The following ALDH1A2 variants were observed in gnomAD, a reference collection of about 807,000 sequenced individuals.
ALDH1A2 encodes the protein aldehyde dehydrogenase 1 family member A2.
Under a neutral mutation model 60.3 loss-of-function variants are expected in ALDH1A2, and 27 were observed. The observed-to-expected ratio is 0.45, with a 90% CI of 0.33 to 0.62. The LOEUF is 0.62. Ranked by LOEUF, ALDH1A2 falls within the 20% of genes least tolerant of loss-of-function variation. The probability of loss-of-function intolerance (pLI) is 0.02; values close to 1 mark genes in which losing one functional copy is unlikely to be tolerated. For missense variants in ALDH1A2, 581 were observed against 643.8 expected, an observed-to-expected ratio of 0.90 and a Z score of 1.06; for synonymous variants, 289 against 232.4, an observed-to-expected ratio of 1.24 and a Z score of -2.21.
In ALDH1A2 at chr15:57,995,160, C is replaced by T. The variant is rs202076416; in HGVS notation, c.494-21G>A. The stretch of plus-strand genomic sequence containing the variant: ...TCCATCTGAAAGAAAAAAGCATGGT[C>T]ACTCCCAGAAAGTTTAGATTAGGAA... On this transcript the variant is annotated intron_variant, in intron 4 of 12. Coordinates refer to ENST00000249750, the MANE Select transcript of ALDH1A2 (RefSeq NM_003888.4). 6.7e-5 allele frequency: 103 copies of T among 1,544,140 alleles called. No homozygotes were observed. The East Asian group carries it at 1.6e-3, about 24-fold the overall frequency.
chr15:57,988,769 C>T (rs1031029408), intron 7 of ALDH1A2, among the ~76,000 whole-genome samples: 1 of 152,194 alleles, frequency 6.6e-6, no homozygotes, highest in East Asian at 1.9e-4. Context: ...GATTTGAACC[C>T]AAGCTGCCTT....
intron 1 of ALDH1A2, among the ~76,000 whole-genome samples, chr15:58,022,742 T>C (rs1484725101): frequency 1.3e-5 from 2 of 152,154 alleles, no homozygotes; most frequent in African/African-American, 4.8e-5. Flanking sequence ...ATCACAGATA[T>C]CACTGATGTT....
At chr15:58,019,864 A>G (rs1177841128) in intron 1 of ALDH1A2, among the ~76,000 whole-genome samples, 24 of 152,284 alleles carry the variant, frequency 1.6e-4, no homozygotes, top group African/African-American at 5.8e-4. Context: ...TGTGCAGGAC[A>G]TGCAGGTTTG....
intron 7 of ALDH1A2, among the ~76,000 whole-genome samples, chr15:57,983,853 G>A (rs1323026900): frequency 6.6e-6 from 1 of 152,162 alleles, no homozygotes; most frequent in Admixed American, 6.5e-5. Flanking sequence ...GAATTGACTG[G>A]AAACAACTTA....
chr15:57,963,893 C>G lies in ALDH1A2; in HGVS notation c.1078G>C (p.Gly360Arg), dbSNP rs775570769. 1.9e-6 allele frequency: 3 copies of G among 1,614,090 alleles called. No individual in the cohort carries two copies. Among genetic ancestry groups the G allele is most frequent in the Non-Finnish European group, 1.7e-6 (2 of 1,179,996 alleles). ...GGTTATGATTTTTCTACCTGGGGAC[C>G]CTGCTCAGTGGTGGGGTCAAAGGGA... ...GSPFDPTTEQ[G>R]PQIDKKQYNK... Residue 360 changes from glycine (G) to arginine (R), a missense_variant, in exon 9 of 13, where the codon GGT (glycine) becomes CGT (arginine). Gly to Arg is a moderately radical substitution (Grantham distance 125). Around this residue, in one of 2 missense-constraint regions of ALDH1A2, gnomAD observed 375 missense variants for 469.7 expected, o/e 0.80. Transcript: ENST00000249750.
At chr15:58,009,399 C>T (rs1393925596) in intron 4 of ALDH1A2, among the ~76,000 whole-genome samples, 1 of 151,882 alleles carries the variant, frequency 6.6e-6, no homozygotes, top group Non-Finnish European at 1.5e-5. Flanking sequence ...CAGCCATCCA[C>T]ACTATCAGCC....
chr15:57,956,833 C>G (rs1893543014), intron 12 of ALDH1A2, among the ~76,000 whole-genome samples: 1 of 152,032 alleles, frequency 6.6e-6, no homozygotes, highest in East Asian at 1.9e-4. Context: ...TGGGGCAGGT[C>G]GCGAGCCACA....
intron 12 of ALDH1A2, among the ~76,000 whole-genome samples, chr15:57,956,390 T>C (rs1409788593): frequency 6.6e-6 from 1 of 152,250 alleles, no homozygotes. Flanking sequence ...TACGAGTTAC[T>C]GTGGCTGGGC....
At chr15:57,996,704 A>AG (rs1196940590) in intron 4 of ALDH1A2, among the ~76,000 whole-genome samples, 8 of 152,028 alleles carry the variant, frequency 5.3e-5, no homozygotes, top group Admixed American at 1.3e-4. Flanking sequence ...TTCTTGATCT[A>AG]AGTGTATGTA....
chr15:58,060,704 G>C (rs1595698845), intron 1 of ALDH1A2, among the ~76,000 whole-genome samples: 1 of 152,106 alleles, frequency 6.6e-6, no homozygotes, highest in African/African-American at 2.4e-5. Flanking sequence ...TAGTCAGAAA[G>C]CTGCCGCAGA....
chr15:57,955,383 A>T, intron 12 of ALDH1A2, 114 bp from the exon 13 acceptor site: 1 of 1,084,566 alleles, frequency 9.2e-7, no homozygotes, highest in Non-Finnish European at 1.4e-6. Context: ...AAGTCCTGGG[A>T]TGTTCATGTA....
At chr15:58,061,033 C>A (rs1353684372) in intron 1 of ALDH1A2, among the ~76,000 whole-genome samples, 2 of 152,154 alleles carry the variant, frequency 1.3e-5, no homozygotes, top group Non-Finnish European at 2.9e-5. Context: ...AAAACAGTCT[C>A]CTCAGAGAAT....
chr15:58,017,931 CTT>C (rs1895829514), intron 1 of ALDH1A2, among the ~76,000 whole-genome samples: 1 of 152,026 alleles, frequency 6.6e-6, no homozygotes, highest in Non-Finnish European at 1.5e-5. Flanking sequence ...TAGACCTAGT[CTT>C]ATAAAATGAC....
At chr15:57,995,824 T>C (rs1206400407) in intron 4 of ALDH1A2, among the ~76,000 whole-genome samples, 1 of 152,128 alleles carries the variant, frequency 6.6e-6, no homozygotes, top group African/African-American at 2.4e-5. Context: ...TTAATAACCT[T>C]GTTTTCCTTA....
At chr15:58,031,238 A>G (rs1896232907) in intron 1 of ALDH1A2, among the ~76,000 whole-genome samples, 1 of 152,176 alleles carries the variant, frequency 6.6e-6, no homozygotes, top group South Asian at 2.1e-4. Flanking sequence ...GATCTTTGAC[A>G]AACCTGACAA....
At chr15:57,982,156 A>T (rs1445439512) in intron 7 of ALDH1A2, among the ~76,000 whole-genome samples, 1 of 152,182 alleles carries the variant, frequency 6.6e-6, no homozygotes. Flanking sequence ...AATAACAAAC[A>T]CACTCTTTCT....
At chr15:58,035,053 T>A (rs186288996) in intron 1 of ALDH1A2, among the ~76,000 whole-genome samples, 165 of 151,826 alleles carry the variant, frequency 1.1e-3, no homozygotes, top group Admixed American at 1.8e-3. Flanking sequence ...TATGTTTGTT[T>A]GGTAGAAGTC....
Position 57,995,083 on chromosome 15 carries a change from T to G in ALDH1A2, c.550A>C (p.Ile184Leu). The change falls in exon 5 of 13, where the codon ATC (isoleucine) becomes CTC (leucine). Residue 184 changes from isoleucine to leucine, a missense_variant. Coordinates refer to ENST00000249750, the MANE Select transcript of ALDH1A2 (RefSeq NM_003888.4). ...GTGCGAGGAAATACACTCACTGGGA[T>G]GATCTGTCCACACACTCCAATGGGT... ...HEPIGVCGQIIPWNFPLLMFA... is the reference protein window; with the variant it reads ...HEPIGVCGQILPWNFPLLMFA... 6.2e-7 allele frequency: 1 copy of G among 1,611,890 alleles called. No homozygotes were observed. Among genetic ancestry groups the G allele is most frequent in the Non-Finnish European group, 8.5e-7 (1 of 1,178,226 alleles).
At chr15:58,002,869 G>A (rs1190696156) in intron 4 of ALDH1A2, among the ~76,000 whole-genome samples, 2 of 151,778 alleles carry the variant, frequency 1.3e-5, no homozygotes, top group Admixed American at 1.3e-4. Context: ...CATTATGTAT[G>A]TACTGTAGCA....
Sources: gnomAD v4.1 joint callset for allele counts (sites outside exome capture counted in the v4.1 genomes callset) on GRCh38, gnomAD v4.1.1 for gene constraint, gnomAD v4.1.1 regional missense constraint, MANE v1.5 for transcripts, NCBI Gene and HGNC (gene_info 2026-07-23, HGNC 2026-07-21) for gene names.